EIF3D: variants seen among roughly 807,000 people sequenced by gnomAD.
EIF3D encodes eukaryotic translation initiation factor 3 subunit D.
EIF3D carries 10 observed loss-of-function variants against 75.4 expected under a neutral mutation model. That is an observed-to-expected ratio of 0.13 (90% CI 0.08 to 0.22). The LOEUF (loss-of-function observed/expected upper bound fraction) is 0.22, where lower values mean the gene tolerates loss of function less well. EIF3D is among the 10% of genes least tolerant of loss of function. EIF3D has a pLI of 1.00. For synonymous variants in EIF3D, 246 were observed against 248.3 expected (o/e 0.99, Z 0.09); for missense variants, 394 against 708.0 (o/e 0.56, Z 5.03).
rs1157034773 is a variant in EIF3D, at chr22:36,523,143, A to G, written c.465+66T>C. On this transcript the variant is annotated intron_variant, in intron 6 of 14. Coordinates refer to ENST00000216190, the MANE Select transcript of EIF3D (RefSeq NM_003753.4). The stretch of plus-strand genomic sequence containing the variant: ...ATGTGAAGTATATCTCATCTAAGCT[A>G]TTAATAAAGACAACCAAATAAACAG... 3.1e-6 allele frequency: 4 copies of G among 1,286,670 alleles called. No individual in the cohort carries two copies. The Admixed American group carries it at 6.7e-5, about 22-fold the overall frequency. The allele number at this position is 1,286,670 out of a possible 1,614,324, so 79.7% of individuals were successfully genotyped here. A position where few individuals can be genotyped will look rare whatever the true frequency, so the allele number is the denominator to read the frequency against.
At position 36,512,386 on chromosome 22, in the gene EIF3D, G is replaced by A. The variant is rs150321703; in HGVS notation, c.1349+74C>T. The A allele has an allele frequency of 4.9e-3, 7,715 of 1,569,738 alleles. 22 individuals carry two copies. Among genetic ancestry groups the A allele is most frequent in the Non-Finnish European group, 6.2e-3 (7,136 of 1,148,000 alleles). On this transcript the variant is annotated intron_variant, in intron 13 of 14. Coordinates refer to ENST00000216190, the MANE Select transcript of EIF3D (RefSeq NM_003753.4). ...CAGTCAATTGTCCAGTACACGGGGAGGGGAGGGTCAACCTCCCTACCCAGA... is the reference window on the plus strand; with the variant it reads ...CAGTCAATTGTCCAGTACACGGGGAAGGGAGGGTCAACCTCCCTACCCAGA...
intron 12 of EIF3D, among the ~76,000 whole-genome samples, chr22:36,514,259 T>C (rs1180072139): frequency 6.6e-6 from 1 of 152,044 alleles, no homozygotes; most frequent in East Asian, 1.9e-4. Context: ...TCAGAGTAGA[T>C]TTGAGAAATC....
rs773409691 is a variant in EIF3D at position 36,511,519 on chromosome 22, TTCC to T, written c.1614_1616del (p.Glu547del). The T allele has an allele frequency of 9.9e-6, 16 of 1,613,914 alleles. No homozygotes were observed. The highest frequency in any genetic ancestry group is 5.5e-5 in the South Asian group (5 of 91,054). The stretch of plus-strand genomic sequence containing the variant: ...GCTACACACCTTCTTCTTCCTCTTC[TTCC>T]TCCTCCTCTTCCTCCTCATCTTCAT... On this transcript the variant is annotated inframe_deletion, in exon 14 of 15. Transcript: ENST00000216190.
intron 5 of EIF3D, 42 bp downstream of exon 5, chr22:36,523,853 G>C (rs765567899): frequency 2.0e-5 from 32 of 1,583,924 alleles, no homozygotes; most frequent in Non-Finnish European, 2.5e-5. Context: ...AATACGGCCA[G>C]TCTGGGAAGG....
chr22:36,525,238 A>AAT (rs1569001775), intron 3 of EIF3D, among the ~76,000 whole-genome samples: 2,239 of 117,168 alleles, frequency 0.019, 46 homozygotes, highest in African/African-American at 0.068. Flanking sequence ...CAGGGGTTTT[A>AAT]CTTTTTTTTT....
chr22:36,525,721 A>G lies in EIF3D; in HGVS notation c.124-12T>C. ...GTCCAGTCTGCAACCTACGAAGAAC[A>G]AGAAAAGACAGAGAATGCACAGGTC... On this transcript the variant is annotated splice_polypyrimidine_tract_variant and intron_variant, in intron 2 of 14. Transcript: ENST00000216190. 4 of 1,610,198 alleles carry G rather than the reference A, an allele frequency of 2.5e-6. No individual in the cohort carries two copies. Among genetic ancestry groups the G allele is most frequent in the Non-Finnish European group, 3.4e-6 (4 of 1,179,196 alleles).
rs548348395 is a variant in EIF3D at position 36,514,187 on chromosome 22, G to A, written c.1207-1585C>T. On this transcript the variant is annotated intron_variant, in intron 12 of 14. Coordinates refer to ENST00000216190, the MANE Select transcript of EIF3D (RefSeq NM_003753.4). ...GACAGCTGGCCCAGAGGCAATGACG[G>A]GACTGGGGACACATGGAAGGGGAAG... 3.9e-5 allele frequency among the ~76,000 whole-genome samples: 6 copies of A among 152,310 alleles called. No individual in the cohort carries two copies. In the East Asian group the frequency reaches 9.6e-4, roughly 24 times the overall value.
intron 1 of EIF3D, among the ~76,000 whole-genome samples, chr22:36,526,369 C>T (rs1366084315): frequency 1.3e-5 from 2 of 152,158 alleles, no homozygotes; most frequent in African/African-American, 4.8e-5. Context: ...TTCCACGACA[C>T]TCTCTTTTTA....
intron 6 of EIF3D, 59 bp downstream of exon 6, chr22:36,523,150 A>AAC: frequency 7.2e-7 from 1 of 1,380,662 alleles, no homozygotes; most frequent in Non-Finnish European, 1.0e-6. Flanking sequence ...GCTATTAATA[A>AAC]AGACAACCAA....
At chr22:36,517,075 A>G in intron 10 of EIF3D, 1 of 625,996 alleles carries the variant, frequency 1.6e-6, no homozygotes. Context: ...TTTATTGTTC[A>G]CTGTGTTTCC....
At chr22:36,525,784 C>T (rs990293088) in intron 2 of EIF3D, 75 bp from the exon 3 acceptor site, 74 of 1,565,422 alleles carry the variant, frequency 4.7e-5, no homozygotes, top group South Asian at 1.7e-4. Flanking sequence ...AATCCCTGAG[C>T]GCGAGAGGAC....
intron 14 of EIF3D, chr22:36,511,255 C>T: frequency 1.2e-6 from 1 of 832,096 alleles, no homozygotes; most frequent in African/African-American, 1.7e-5. Context: ...TCTGGGACTT[C>T]CCTCATCTTC....
At position 36,523,848 on chromosome 22, in the gene EIF3D, G is replaced by A. The variant is rs73411765; in HGVS notation, c.392+47C>T. 11,403 of 1,565,090 alleles carry A rather than the reference G, an allele frequency of 7.3e-3. 701 individuals carry two copies. In the African/African-American group the frequency reaches 0.13, roughly 18 times the overall value. On this transcript the variant is annotated intron_variant, in intron 5 of 14. Coordinates refer to ENST00000216190, the MANE Select transcript of EIF3D (RefSeq NM_003753.4). ...CTTTGGTCCTGTGGTTTCCAAATAC[G>A]GCCAGTCTGGGAAGGGTGTCTTGTT...
chr22:36,523,951 C>T lies in EIF3D; in HGVS notation c.336G>A (p.Arg112=), dbSNP rs1266900593. Residue 112 remains arginine (R), a synonymous_variant, in exon 5 of 15, where the codon CGG becomes CGA. Transcript: ENST00000216190. The stretch of plus-strand genomic sequence containing the variant: ...TCTGCAGGTTGAACTGCAACATGTT[C>T]CGACGATCTTTGTCTCTGCGGAGGT... ...QRNLRRDKDR[R]NMLQFNLQIL... is the part of the protein sequence containing the mutation. 3.1e-6 allele frequency: 5 copies of T among 1,613,928 alleles called. No homozygotes were observed. The African/African-American group carries it at 5.3e-5, about 17-fold the overall frequency.
intron 7 of EIF3D, 21 bp from the exon 8 acceptor site, chr22:36,519,558 G>C (rs369898800): frequency 1.2e-6 from 2 of 1,613,844 alleles, no homozygotes; most frequent in Non-Finnish European, 1.7e-6. Context: ...AGCAGGCAAA[G>C]ACATGCAAAG....
intron 1 of EIF3D, chr22:36,528,698 A>G (rs917076800): frequency 2.0e-5 from 3 of 152,160 alleles, no homozygotes; most frequent in African/African-American, 7.3e-5. Context: ...AATTCCTAAG[A>G]ACAGGGGCCA....
At chr22:36,517,280 C>T (rs760226654) in intron 10 of EIF3D, 21 bp downstream of exon 10, 2 of 1,613,420 alleles carry the variant, frequency 1.2e-6, no homozygotes, top group Non-Finnish European at 1.7e-6. Flanking sequence ...TGAATCAATG[C>T]CCAGAGACTC....
intron 12 of EIF3D, among the ~76,000 whole-genome samples, chr22:36,514,260 T>G (rs377282606): frequency 3.4e-4 from 51 of 152,160 alleles, no homozygotes; most frequent in African/African-American, 1.2e-3. Context: ...CAGAGTAGAT[T>G]TGAGAAATCA....
At chr22:36,525,811 A>C in intron 2 of EIF3D, 102 bp from the exon 3 acceptor site, 1 of 1,513,656 alleles carries the variant, frequency 6.6e-7, no homozygotes, top group Non-Finnish European at 9.0e-7. Context: ...GAAGAGTCTC[A>C]GAATTTGTTC....
Sources: gnomAD v4.1 joint callset for allele counts (sites outside exome capture counted in the v4.1 genomes callset) on GRCh38, gnomAD v4.1.1 for gene constraint, MANE v1.5 for transcripts, NCBI Gene and HGNC (gene_info 2026-07-23, HGNC 2026-07-21) for gene names.